Variants in ULK4 observed in about 807,000 individuals in gnomAD.
The protein encoded by ULK4 is inactive serine/threonine-protein kinase ULK4.
A neutral mutation model predicts 160.6 loss-of-function variants in ULK4; 133 were observed. That is an observed-to-expected ratio of 0.83 (90% CI 0.72 to 0.96). ULK4 has a LOEUF of 0.96. Ranked by LOEUF, ULK4 falls within the 40% of genes least tolerant of loss-of-function variation. The pLI is 0.00. For missense variants in ULK4, 1,580 were observed against 1,499.5 expected, an observed-to-expected ratio of 1.05 and a Z score of -0.89; for synonymous variants, 534 against 539.8, an observed-to-expected ratio of 0.99 and a Z score of 0.15.
intron 18 of ULK4, among the ~76,000 whole-genome samples, 172 bp from the exon 19 acceptor site, chr3:41,819,678 A>G (rs2041082310): frequency 6.6e-6 from 1 of 152,202 alleles, no homozygotes; most frequent in Non-Finnish European, 1.5e-5. Flanking sequence ...CTTTTACTGC[A>G]TTGTACATAC....
intron 27 of ULK4, among the ~76,000 whole-genome samples, chr3:41,692,295 A>G (rs1026715595): frequency 6.6e-5 from 10 of 152,010 alleles, no homozygotes; most frequent in Non-Finnish European, 1.2e-4. Context: ...CGACGACACA[A>G]TCTGACACAG....
At chr3:41,866,692 G>A (rs1318851481) in intron 17 of ULK4, among the ~76,000 whole-genome samples, 2 of 152,254 alleles carry the variant, frequency 1.3e-5, no homozygotes, top group East Asian at 1.9e-4. Flanking sequence ...ACTATAATAT[G>A]CGCTTGTGTA....
chr3:41,391,025 T>C (rs1277001339), intron 35 of ULK4, among the ~76,000 whole-genome samples: 1 of 152,146 alleles, frequency 6.6e-6, no homozygotes, highest in Non-Finnish European at 1.5e-5. Flanking sequence ...TTTTTTTAGC[T>C]TCCACATATG....
chr3:41,811,035 C>A (rs1441127980), intron 19 of ULK4, among the ~76,000 whole-genome samples: 2 of 151,044 alleles, frequency 1.3e-5, no homozygotes, highest in African/African-American at 4.9e-5. Context: ...AGGCATGCAC[C>A]ACTACACTGG....
chr3:41,526,957 T>A (rs2086140390), intron 32 of ULK4, among the ~76,000 whole-genome samples: 1 of 152,220 alleles, frequency 6.6e-6, no homozygotes, highest in Non-Finnish European at 1.5e-5. Context: ...TCACTTCATC[T>A]ACCAAGGAGT....
intron 31 of ULK4, among the ~76,000 whole-genome samples, chr3:41,570,839 A>T (rs1311458938): frequency 1.3e-5 from 2 of 152,110 alleles, no homozygotes; most frequent in African/African-American, 4.8e-5. Flanking sequence ...CCCTGCCTGG[A>T]GATCCCAGAG....
intron 35 of ULK4, among the ~76,000 whole-genome samples, chr3:41,360,874 G>A (rs944666354): frequency 4.0e-5 from 6 of 151,884 alleles, no homozygotes; most frequent in African/African-American, 9.7e-5. Flanking sequence ...CATAGCACAC[G>A]TTTACCTATG....
In ULK4 at chr3:41,506,764, T is replaced by TAAA. The variant is rs200785051; in HGVS notation, c.3227-43514_3227-43512dup. 5.3e-3 allele frequency among the ~76,000 whole-genome samples: 106 copies of TAAA among 19,926 alleles called. 19 individuals carry two copies. Among genetic ancestry groups the TAAA allele is most frequent in the South Asian group, 6.0e-3 (3 of 500 alleles). The allele number at this position is 19,926 out of a possible 152,430, so 13.1% of individuals were successfully genotyped here. The stretch of plus-strand genomic sequence containing the variant: ...CAAAGCAATACACTGGAGTGTGATT[T>TAAA]AAAATATATATATATATATATATAT... On this transcript the variant is annotated intron_variant, in intron 32 of 36. Transcript: ENST00000301831.
chr3:41,505,375 T>C (rs1273388048), intron 32 of ULK4, among the ~76,000 whole-genome samples: 1 of 152,168 alleles, frequency 6.6e-6, no homozygotes, highest in Non-Finnish European at 1.5e-5. Flanking sequence ...CAGAATCATA[T>C]ATGAGATCCA....
At chr3:41,666,912 G>A (rs145600919) in intron 29 of ULK4, among the ~76,000 whole-genome samples, 1 of 152,270 alleles carries the variant, frequency 6.6e-6, no homozygotes, top group East Asian at 1.9e-4. Context: ...GGGAGGCCAA[G>A]GTGGGAGAAT....
intron 22 of ULK4, among the ~76,000 whole-genome samples, chr3:41,730,075 A>G (rs2037774420): frequency 6.6e-6 from 1 of 152,202 alleles, no homozygotes; most frequent in South Asian, 2.1e-4. Flanking sequence ...AAATTTTTTT[A>G]ATTTAAAAAT....
chr3:41,763,819 A>G (rs11915132), intron 21 of ULK4, among the ~76,000 whole-genome samples: 5,626 of 152,336 alleles, frequency 0.037, 360 homozygotes, highest in African/African-American at 0.12. Flanking sequence ...CTGTCCATCA[A>G]TATATGAAAG....
At chr3:41,757,664 C>T (rs765143514) in intron 21 of ULK4, among the ~76,000 whole-genome samples, 2 of 149,506 alleles carry the variant, frequency 1.3e-5, no homozygotes, top group African/African-American at 4.9e-5. Flanking sequence ...TTAAGAGTCT[C>T]ACTCTGTCGC....
intron 17 of ULK4, among the ~76,000 whole-genome samples, chr3:41,839,926 G>A (rs1294805005): frequency 6.6e-6 from 1 of 151,998 alleles, no homozygotes; most frequent in Non-Finnish European, 1.5e-5. Context: ...AAAAATCAAA[G>A]AACATCTAAA....
intron 32 of ULK4, among the ~76,000 whole-genome samples, chr3:41,515,537 A>C (rs1247902715): frequency 1.3e-5 from 2 of 152,230 alleles, no homozygotes; most frequent in African/African-American, 4.8e-5. Context: ...TAACTGACAC[A>C]GTTCTGCATG....
chr3:41,863,703 G>C (rs925175195), intron 17 of ULK4, among the ~76,000 whole-genome samples: 1 of 151,810 alleles, frequency 6.6e-6, no homozygotes, highest in Non-Finnish European at 1.5e-5. Context: ...CAAGGTAACA[G>C]TTTCCCTTCT....
chr3:41,316,393 T>C (rs1009199201), intron 35 of ULK4, among the ~76,000 whole-genome samples: 5 of 152,246 alleles, frequency 3.3e-5, no homozygotes, highest in Non-Finnish European at 5.9e-5. Context: ...GTGACTTGTA[T>C]GATATGTGAA....
At chr3:41,937,626 G>A (rs1460341066) in intron 3 of ULK4, among the ~76,000 whole-genome samples, 1 of 152,040 alleles carries the variant, frequency 6.6e-6, no homozygotes, top group African/African-American at 2.4e-5. Context: ...CTTTCTCCCT[G>A]TATATGGTCC....
chr3:41,755,058 A>C (rs2038755177), intron 21 of ULK4, among the ~76,000 whole-genome samples: 1 of 152,228 alleles, frequency 6.6e-6, no homozygotes, highest in Non-Finnish European at 1.5e-5. Context: ...GAATAGTGCT[A>C]CTTTCCCTTT....
Sources: allele counts gnomAD v4.1 joint callset (sites outside exome capture counted in the v4.1 genomes callset), GRCh38; gene constraint gnomAD v4.1.1; transcripts MANE v1.5; gene names NCBI Gene and HGNC (gene_info 2026-07-23, HGNC 2026-07-21).